The following PCSK6 variants were observed in gnomAD, a reference collection of about 807,000 sequenced individuals.
The protein encoded by PCSK6 is paired basic amino acid cleaving enzyme 4.
PCSK6 carries 85 observed loss-of-function variants against 123.3 expected under a neutral mutation model. That is an observed-to-expected ratio of 0.69 (90% confidence interval 0.58 to 0.83). PCSK6 has a LOEUF of 0.83. Ranked by LOEUF, PCSK6 falls within the 40% of genes least tolerant of loss-of-function variation. The pLI is 0.00. For missense variants in PCSK6, 1,191 were observed against 1,282.3 expected, an observed-to-expected ratio of 0.93 and a Z score of 1.09; for synonymous variants, 508 against 516.0, an observed-to-expected ratio of 0.98 and a Z score of 0.21.
At chr15:101,379,571 G>A (rs1033173917) in intron 11 of PCSK6, among the ~76,000 whole-genome samples, 23 of 152,208 alleles carry the variant, frequency 1.5e-4, no homozygotes, top group Non-Finnish European at 2.4e-4. Context: ...TTCACCATGG[G>A]AAGCAGCTTA....
At position 101,382,708 on chromosome 15, in the gene PCSK6, C is replaced by T. The variant is rs142755933; in HGVS notation, c.1415-499G>A. Among the ~76,000 whole-genome samples, 181 of 152,274 alleles carry T rather than the reference C, an allele frequency of 1.2e-3. 2 individuals carry two copies. The highest frequency in any genetic ancestry group is 4.0e-3 in the African/African-American group (167 of 41,558). ...CCCAGAGCATTCCGGGAAAACAGCA[C>T]AGCACAGAGACAGGCTTGCGAACTG... On this transcript the variant is annotated intron_variant, in intron 10 of 21. Transcript: ENST00000611716.
chr15:101,402,678 C>G (rs2042626272), intron 6 of PCSK6, among the ~76,000 whole-genome samples: 1 of 152,226 alleles, frequency 6.6e-6, no homozygotes, highest in Non-Finnish European at 1.5e-5. Flanking sequence ...AAATGCTCAT[C>G]ATCACTGGTC....
At chr15:101,335,158 CTA>C (rs1420575899) in intron 13 of PCSK6, among the ~76,000 whole-genome samples, 2 of 152,184 alleles carry the variant, frequency 1.3e-5, no homozygotes, top group Non-Finnish European at 2.9e-5. Context: ...TAGAGTTTCA[CTA>C]TGTTTCTCAG....
Position 101,418,072 on chromosome 15 carries a change from G to A in PCSK6, c.823+9820C>T, listed in dbSNP as rs188732163. On this transcript the variant is annotated intron_variant, in intron 6 of 21. Coordinates refer to ENST00000611716, the MANE Select transcript of PCSK6 (RefSeq NM_002570.5). ...CATGGAGGATGTACTTTTAAATTAC[G>A]AGCATATGATATTGAATTTATGTCA... 2.4e-4 allele frequency among the ~76,000 whole-genome samples: 36 copies of A among 152,112 alleles called. 1 individual carries two copies. In the East Asian group the frequency reaches 3.5e-3, roughly 15 times the overall value.
At chr15:101,383,573 C>T (rs1221876854) in intron 10 of PCSK6, among the ~76,000 whole-genome samples, 1 of 152,070 alleles carries the variant, frequency 6.6e-6, no homozygotes, top group African/African-American at 2.4e-5. Flanking sequence ...AGGGTAGAGG[C>T]CCCACTGTCC....
chr15:101,326,036 C>G (rs569759895), intron 16 of PCSK6, among the ~76,000 whole-genome samples: 24 of 152,368 alleles, frequency 1.6e-4, no homozygotes, highest in African/African-American at 5.5e-4. Context: ...GAGGACAGCA[C>G]CAGGGCCTTG....
intron 6 of PCSK6, among the ~76,000 whole-genome samples, chr15:101,413,567 T>A (rs2055780116): frequency 6.6e-6 from 1 of 152,056 alleles, no homozygotes; most frequent in South Asian, 2.1e-4. Flanking sequence ...ATATTAACCA[T>A]CTAAATATAG....
At position 101,384,158 on chromosome 15, in the gene PCSK6, G is replaced by A. The variant is rs896060930; in HGVS notation, c.1414+164C>T. 8.9e-5 allele frequency: 127 copies of A among 1,421,822 alleles called. No individual in the cohort carries two copies. The African/African-American group carries it at 1.2e-3, about 14-fold the overall frequency. The allele number at this position is 1,421,822 out of a possible 1,614,324, so 88.1% of individuals were successfully genotyped here. On this transcript the variant is annotated intron_variant, in intron 10 of 21. Transcript: ENST00000611716. Reference sequence around the variant, plus strand: ...TTCCGTAATGTCACTGTGAGCTTCCGGGATACTTTTCTTAAATAGCTGCAC... The same window carrying A: ...TTCCGTAATGTCACTGTGAGCTTCCAGGATACTTTTCTTAAATAGCTGCAC...
intron 1 of PCSK6, among the ~76,000 whole-genome samples, chr15:101,475,543 T>G (rs1483982628): frequency 1.3e-5 from 2 of 152,174 alleles, no homozygotes; most frequent in African/African-American, 4.8e-5. Context: ...TGGAGTGCGG[T>G]GATGTGGTCT....
chr15:101,436,972 C>T (rs193043741), intron 2 of PCSK6, among the ~76,000 whole-genome samples: 4 of 152,306 alleles, frequency 2.6e-5, no homozygotes, highest in Non-Finnish European at 5.9e-5. Context: ...GCCATCTTGC[C>T]CTGGATCCCA....
chr15:101,402,048 C>G (rs1596295152), intron 6 of PCSK6, among the ~76,000 whole-genome samples: 1 of 151,918 alleles, frequency 6.6e-6, no homozygotes, highest in South Asian at 2.1e-4. Flanking sequence ...ACCAAAACAG[C>G]ATGGTACTGG....
At chr15:101,458,187 T>G (rs2141195888) in intron 1 of PCSK6, among the ~76,000 whole-genome samples, 1 of 152,330 alleles carries the variant, frequency 6.6e-6, no homozygotes, top group South Asian at 2.1e-4. Flanking sequence ...CCATGTGCAC[T>G]ATCTCAGCAA....
intron 12 of PCSK6, 29 bp downstream of exon 12, chr15:101,370,306 A>C (rs2073591): frequency 0.39 from 577,370 of 1,487,232 alleles, 116,656 homozygotes; most frequent in East Asian, 0.7. Context: ...GTGAGCCCAG[A>C]CCCCATCCCC....
chr15:101,312,778 GC>G (rs1455327617), intron 20 of PCSK6, among the ~76,000 whole-genome samples: 1 of 152,114 alleles, frequency 6.6e-6, no homozygotes, highest in Non-Finnish European at 1.5e-5. Context: ...CTTGCAATGA[GC>G]CGAGATCGCC....
chr15:101,310,649 A>C (rs538788599), intron 20 of PCSK6, among the ~76,000 whole-genome samples: 10 of 152,282 alleles, frequency 6.6e-5, no homozygotes, highest in Admixed American at 2.6e-4. Flanking sequence ...GAAGGGGCTG[A>C]TGCTTGCCGA....
intron 6 of PCSK6, among the ~76,000 whole-genome samples, chr15:101,418,417 C>T (rs12912973): frequency 0.071 from 10,829 of 152,078 alleles, 485 homozygotes; most frequent in East Asian, 0.17. Context: ...GTTGTAAAAC[C>T]ATAAGAAGAC....
Position 101,313,483 on chromosome 15 carries a change from A to C in PCSK6, c.2592T>G (p.Ile864Met), listed in dbSNP as rs779160665. The C allele has an allele frequency of 1.0e-5, 16 of 1,607,102 alleles. No homozygotes were observed. Among genetic ancestry groups the C allele is most frequent in the Non-Finnish European group, 1.4e-5 (16 of 1,178,886 alleles). ...TCVGPGREEC[I>M]HCAKNFHFHD... is the part of the protein sequence containing the mutation. ...GGAAGTGGAAGTTTTTCGCACAGTGAATGCACTCTTCTCTGCCTGGCCCTG... is the reference window on the plus strand; with the variant it reads ...GGAAGTGGAAGTTTTTCGCACAGTGCATGCACTCTTCTCTGCCTGGCCCTG... The change falls in exon 20 of 22, where the codon ATT (isoleucine) becomes ATG (methionine). Residue 864 changes from isoleucine to methionine, a missense_variant. Transcript: ENST00000611716.
chr15:101,398,880 G>A lies in PCSK6; in HGVS notation c.824-304C>T, dbSNP rs2042501521. ...TTCTGTTTTTTATTTTAAAAAACAAGACCTATTATTATTATTATTATTATT... is the reference window on the plus strand; with the variant it reads ...TTCTGTTTTTTATTTTAAAAAACAAAACCTATTATTATTATTATTATTATT... On this transcript the variant is annotated intron_variant, in intron 6 of 21. Transcript: ENST00000611716. The surrounding 1 kb of genome is among the most constrained non-coding windows in gnomAD (Gnocchi z 4.6). 6.7e-6 allele frequency among the ~76,000 whole-genome samples: 1 copy of A among 148,490 alleles called. No homozygotes were observed. Among genetic ancestry groups the A allele is most frequent in the Non-Finnish European group, 1.5e-5 (1 of 67,524 alleles).
chr15:101,481,948 C>T (rs555543084), intron 1 of PCSK6, among the ~76,000 whole-genome samples: 5 of 152,222 alleles, frequency 3.3e-5, no homozygotes, highest in African/African-American at 4.8e-5. Flanking sequence ...ACAGATTCCC[C>T]GAGACAGAGC....
Sources: gnomAD v4.1 joint callset for allele counts (sites outside exome capture counted in the v4.1 genomes callset) on GRCh38, gnomAD v4.1.1 for gene constraint, Gnocchi (gnomAD v3.1) non-coding constraint, MANE v1.5 for transcripts, NCBI Gene and HGNC (gene_info 2026-07-23, HGNC 2026-07-21) for gene names.